ARHGAP39: variants seen among roughly 807,000 people sequenced by gnomAD.
ARHGAP39 encodes the protein Rho GTPase activating protein 39.
In ARHGAP39, 44 loss-of-function variants were observed where a neutral mutation model predicts 106.9. That is an observed-to-expected ratio of 0.41 (90% CI 0.32 to 0.53). ARHGAP39 has a LOEUF of 0.53. Ranked by LOEUF, ARHGAP39 falls within the 20% of genes least tolerant of loss-of-function variation. The probability of loss-of-function intolerance (pLI) is 0.21; values close to 1 mark genes in which losing one functional copy is unlikely to be tolerated. For synonymous variants in ARHGAP39, 768 were observed against 693.2 expected, an observed-to-expected ratio of 1.11 and a Z score of -1.69; for missense variants, 1,496 against 1,577.3, an observed-to-expected ratio of 0.95 and a Z score of 0.87.
At chr8:144,631,185 C>G (rs1821053820) in intron 1 of ARHGAP39, among the ~76,000 whole-genome samples, 1 of 152,220 alleles carries the variant, frequency 6.6e-6, no homozygotes, top group Non-Finnish European at 1.5e-5. Flanking sequence ...GAGGGATCCA[C>G]CCCCATGATC....
chr8:144,530,730 A>G lies in ARHGAP39; in HGVS notation c.3122T>C (p.Val1041Ala). The G allele has an allele frequency of 1.2e-6, 2 of 1,608,932 alleles. No homozygotes were observed. The highest frequency in any genetic ancestry group is 1.7e-6 in the Non-Finnish European group (2 of 1,178,124). ...VHALPRINRM[V>A]LCYLIRFLQV... Reference sequence around the variant, plus strand: ...CAGGAAGCGGATGAGGTAGCACAGCACCATGCGGTTGATGCGGGGCAGCGC... The same window carrying G: ...CAGGAAGCGGATGAGGTAGCACAGCGCCATGCGGTTGATGCGGGGCAGCGC... The change falls in exon 11 of 12, where the codon GTG (valine) becomes GCG (alanine). Residue 1041 changes from valine to alanine, a missense_variant. Val to Ala is a moderately conservative substitution (Grantham distance 64, BLOSUM62 0). Around this residue, in one of 4 missense-constraint regions of ARHGAP39, gnomAD observed 470 missense variants for 605.1 expected, o/e 0.78. Coordinates refer to ENST00000377307, the MANE Select transcript of ARHGAP39 (RefSeq NM_025251.3).
In ARHGAP39 at chr8:144,548,319, G is replaced by A. The variant is rs984153041; in HGVS notation, c.767C>T (p.Thr256Ile). ...GGTGCCGTCAGCCTCCGGGGCGAAG[G>A]TCTGCAGGCTGGGTGAGTGCTGGCT... ...SGSQHSPSLQ[T>I]FAPEADGTIF... is the part of the protein sequence containing the mutation. The change falls in exon 5 of 12, where the codon ACC (threonine) becomes ATC (isoleucine). Residue 256 changes from threonine (T) to isoleucine (I), a missense_variant. Transcript: ENST00000377307. This position sits in a 1 kb window ranked among gnomAD's most constrained non-coding sequence, Gnocchi z 7.4. The A allele has an allele frequency of 1.2e-6, 2 of 1,608,660 alleles. No homozygotes were observed. The highest frequency in any genetic ancestry group is 1.7e-6 in the Non-Finnish European group (2 of 1,177,178).
At chr8:144,621,026 G>A (rs1286526950) in intron 1 of ARHGAP39, among the ~76,000 whole-genome samples, 1 of 152,282 alleles carries the variant, frequency 6.6e-6, no homozygotes, top group Non-Finnish European at 1.5e-5. Flanking sequence ...CACATGGTTG[G>A]AGGGGGCCAG....
At position 144,684,897 on chromosome 8, in the gene ARHGAP39, G is replaced by A. The variant is rs1466315001; in HGVS notation, c.-82+789C>T. On this transcript the variant is annotated intron_variant, in intron 1 of 11. Coordinates refer to ENST00000377307, the MANE Select transcript of ARHGAP39 (RefSeq NM_025251.3). The surrounding 1 kb of genome is among the most constrained non-coding windows in gnomAD (Gnocchi z 4.4). ...CTGGAGACGCCCATGTCCGCTCCCT[G>A]CGCCCCGGGGACAAAGCCCGAGGCT... 6.6e-6 allele frequency among the ~76,000 whole-genome samples: 1 copy of A among 152,214 alleles called. No homozygotes were observed. Among genetic ancestry groups the A allele is most frequent in the Non-Finnish European group, 1.5e-5 (1 of 68,028 alleles).
chr8:144,655,713 T>C (rs1249547303), intron 1 of ARHGAP39, among the ~76,000 whole-genome samples: 1 of 152,166 alleles, frequency 6.6e-6, no homozygotes, highest in Non-Finnish European at 1.5e-5. Flanking sequence ...CCTCCACTTG[T>C]CTGCATACCT....
rs192057529 is a variant in ARHGAP39 at position 144,608,980 on chromosome 8, G to C, written c.-81-3285C>G. On this transcript the variant is annotated intron_variant, in intron 1 of 11. Coordinates refer to ENST00000377307, the MANE Select transcript of ARHGAP39 (RefSeq NM_025251.3). ...ACAGATTTATTATGTTTTCTGCAGAGATGATCATGTCAACAGTGAATAAAA... is the reference window on the plus strand; with the variant it reads ...ACAGATTTATTATGTTTTCTGCAGACATGATCATGTCAACAGTGAATAAAA... Among the ~76,000 whole-genome samples the C allele has an allele frequency of 2.0e-5, 3 of 152,268 alleles. No homozygotes were observed. In the East Asian group the frequency reaches 5.8e-4, roughly 29 times the overall value.
intron 3 of ARHGAP39, among the ~76,000 whole-genome samples, chr8:144,578,730 A>G (rs370607315): frequency 6.6e-6 from 1 of 152,084 alleles, no homozygotes; most frequent in African/African-American, 2.4e-5. Flanking sequence ...ACGTGCCTGC[A>G]GTCCCAGATA....
At chr8:144,550,807 G>C (rs890447206) in intron 4 of ARHGAP39, among the ~76,000 whole-genome samples, 1 of 152,244 alleles carries the variant, frequency 6.6e-6, no homozygotes, top group Non-Finnish European at 1.5e-5. Context: ...CAAACCCTGA[G>C]GGCCAGCTGT....
chr8:144,534,262 G>A (rs953419592), intron 7 of ARHGAP39, 60 bp from the exon 8 acceptor site: 1 of 1,587,870 alleles, frequency 6.3e-7, no homozygotes, highest in Non-Finnish European at 8.6e-7. Context: ...GGCCAGGAGA[G>A]GGGTGAGCAG....
intron 2 of ARHGAP39, among the ~76,000 whole-genome samples, chr8:144,588,264 C>T (rs1396263081): frequency 6.6e-6 from 1 of 152,248 alleles, no homozygotes; most frequent in Non-Finnish European, 1.5e-5. Context: ...GAGCACGCAT[C>T]CTGCGTGAGG....
Position 144,548,425 on chromosome 8 carries a change from C to G in ARHGAP39, c.661G>C (p.Glu221Gln), listed in dbSNP as rs774404227. Reference sequence around the variant, plus strand: ...CCCTGGGCGGCGAGGAAGCTGGGCTCCCGATCAGCGACCTTGATGAGCATG... The same window carrying G: ...CCCTGGGCGGCGAGGAAGCTGGGCTGCCGATCAGCGACCTTGATGAGCATG... ...ERMLIKVADREPSFLAAQGNG... is the reference protein window; with the variant it reads ...ERMLIKVADRQPSFLAAQGNG... The change falls in exon 5 of 12, where the codon GAG becomes CAG. Residue 221 changes from glutamate to glutamine, a missense_variant. Coordinates refer to ENST00000377307, the MANE Select transcript of ARHGAP39 (RefSeq NM_025251.3). The surrounding 1 kb of genome is among the most constrained non-coding windows in gnomAD (Gnocchi z 7.4). 1.9e-6 allele frequency: 3 copies of G among 1,610,734 alleles called. No individual in the cohort carries two copies. Among genetic ancestry groups the G allele is most frequent in the Non-Finnish European group, 2.5e-6 (3 of 1,179,640 alleles).
intron 2 of ARHGAP39, among the ~76,000 whole-genome samples, chr8:144,603,853 C>T (rs1428087394): frequency 6.6e-6 from 1 of 152,262 alleles, no homozygotes; most frequent in South Asian, 2.1e-4. Context: ...GGCAGCTGTG[C>T]CAGGAGGAAG....
Position 144,646,177 on chromosome 8 carries a change from C to T in ARHGAP39, c.-82+39509G>A, listed in dbSNP as rs1360495838. Among the ~76,000 whole-genome samples the T allele has an allele frequency of 6.6e-6, 1 of 152,130 alleles. No homozygotes were observed. The highest frequency in any genetic ancestry group is 1.5e-5 in the Non-Finnish European group (1 of 68,030). ...CTGCTGGAGGAAGGGCACAGGCCACCGGAGGGGATGTGGATGTTCTCTCTG... is the reference window on the plus strand; with the variant it reads ...CTGCTGGAGGAAGGGCACAGGCCACTGGAGGGGATGTGGATGTTCTCTCTG... On this transcript the variant is annotated intron_variant, in intron 1 of 11. Coordinates refer to ENST00000377307, the MANE Select transcript of ARHGAP39 (RefSeq NM_025251.3). This position sits in a 1 kb window ranked among gnomAD's most constrained non-coding sequence, Gnocchi z 5.7.
At chr8:144,655,842 G>A (rs1234122159) in intron 1 of ARHGAP39, among the ~76,000 whole-genome samples, 1 of 152,140 alleles carries the variant, frequency 6.6e-6, no homozygotes, top group African/African-American at 2.4e-5. Flanking sequence ...CAAACTTGAT[G>A]AATGCCAAGC....
At position 144,586,481 on chromosome 8, in the gene ARHGAP39, C is replaced by T. The variant is rs1385702909; in HGVS notation, c.81-5204G>A. The T allele has an allele frequency of 6.6e-6, 1 of 152,562 alleles. No individual in the cohort carries two copies. The highest frequency in any genetic ancestry group is 1.5e-5 in the Non-Finnish European group (1 of 68,258). The allele number at this position is 152,562 out of a possible 1,614,324, so 9.5% of individuals were successfully genotyped here. A position where few individuals can be genotyped will look rare whatever the true frequency, so the allele number is the denominator to read the frequency against. On this transcript the variant is annotated intron_variant, in intron 2 of 11. Coordinates refer to ENST00000377307, the MANE Select transcript of ARHGAP39 (RefSeq NM_025251.3). This position sits in a 1 kb window ranked among gnomAD's most constrained non-coding sequence, Gnocchi z 4.2. ...CCCAGTGTCTTCCAGTCTTATCCCT[C>T]CCATGGCCGCAGTGTGGGGGACAGT...
rs535844292 is a variant in ARHGAP39, at chr8:144,644,913, A to G, written c.-81-39218T>C. Among the ~76,000 whole-genome samples, 1 of 152,290 alleles carries G rather than the reference A, an allele frequency of 6.6e-6. No homozygotes were observed. The highest frequency in any genetic ancestry group is 1.5e-5 in the Non-Finnish European group (1 of 68,022). On this transcript the variant is annotated intron_variant, in intron 1 of 11. Transcript: ENST00000377307. This position sits in a 1 kb window ranked among gnomAD's most constrained non-coding sequence, Gnocchi z 4.8. ...TTTCATCTCATCAGACTCTGCCCCT[A>G]GCAGGTCCTCTGCTCCGTGCTGCCA...
intron 3 of ARHGAP39, among the ~76,000 whole-genome samples, chr8:144,566,692 C>T (rs917507198): frequency 6.6e-6 from 1 of 152,016 alleles, no homozygotes; most frequent in East Asian, 1.9e-4. Context: ...GCCGGCTCTA[C>T]TAAAAATACA....
rs1026913892 is a variant in ARHGAP39 at position 144,670,050 on chromosome 8, A to G, written c.-82+15636T>C. On this transcript the variant is annotated intron_variant, in intron 1 of 11. Coordinates refer to ENST00000377307, the MANE Select transcript of ARHGAP39 (RefSeq NM_025251.3). This position sits in a 1 kb window ranked among gnomAD's most constrained non-coding sequence, Gnocchi z 4.4. ...AATATGGAAACAACTCAAAATGCCCAGCAATGGATGAAAGTCTAAAGGAAA... is the reference window on the plus strand; with the variant it reads ...AATATGGAAACAACTCAAAATGCCCGGCAATGGATGAAAGTCTAAAGGAAA... Among the ~76,000 whole-genome samples, 4 of 152,272 alleles carry G rather than the reference A, an allele frequency of 2.6e-5. No homozygotes were observed. Among genetic ancestry groups the G allele is most frequent in the African/African-American group, 9.6e-5 (4 of 41,478 alleles).
rs978817907 is a variant in ARHGAP39 at position 144,530,339 on chromosome 8, T to C, written c.*83A>G. The C allele has an allele frequency of 1.4e-6, 2 of 1,440,058 alleles. No homozygotes were observed. Among genetic ancestry groups the C allele is most frequent in the African/African-American group, 1.4e-5 (1 of 71,176 alleles). 89.2% of individuals were successfully genotyped at this position (1,440,058 alleles called of 1,614,324 possible). A position where few individuals can be genotyped will look rare whatever the true frequency, so the allele number is the denominator to read the frequency against. On this transcript the variant is annotated 3_prime_UTR_variant, in exon 12 of 12. Coordinates refer to ENST00000377307, the MANE Select transcript of ARHGAP39 (RefSeq NM_025251.3). Reference sequence around the variant, plus strand: ...GCTCCAGGGCTGGGCCGGGCGATTCTGGCCCCTCTGCCGGGAGAGCGAGTG... The same window carrying C: ...GCTCCAGGGCTGGGCCGGGCGATTCCGGCCCCTCTGCCGGGAGAGCGAGTG...
Sources: allele counts gnomAD v4.1 joint callset (sites outside exome capture counted in the v4.1 genomes callset), GRCh38; gene constraint gnomAD v4.1.1; regional missense constraint gnomAD v4.1.1; non-coding constraint Gnocchi (gnomAD v3.1); transcripts MANE v1.5; gene names NCBI Gene and HGNC (gene_info 2026-07-23, HGNC 2026-07-21).